Variants in ADAMTS2 observed in about 807,000 individuals in gnomAD.
ADAMTS2 encodes A disintegrin and metalloproteinase with thrombospondin motifs 2.
A neutral mutation model predicts 123.0 loss-of-function variants in ADAMTS2; 50 were observed. The ratio of observed to expected loss-of-function variants is 0.41; its 90% CI spans 0.32 to 0.51. The LOEUF (loss-of-function observed/expected upper bound fraction) is 0.51. Among genes scored for constraint, ADAMTS2 ranks in the 20% least tolerant of loss-of-function variants. The pLI is 0.35. For synonymous variants in ADAMTS2, 678 were observed against 695.4 expected (o/e 0.98, Z 0.39); for missense variants, 1,494 against 1,705.2 (o/e 0.88, Z 2.18).
chr5:179,172,405 C>A (rs2113294998), intron 5 of ADAMTS2, among the ~76,000 whole-genome samples: 1 of 152,324 alleles, frequency 6.6e-6, no homozygotes, highest in South Asian at 2.1e-4. Flanking sequence ...GGTGGGGGTC[C>A]CAGCAAAGCA....
At chr5:179,134,801 C>A (rs960313651) in intron 13 of ADAMTS2, among the ~76,000 whole-genome samples, 12 of 133,986 alleles carry the variant, frequency 9.0e-5, no homozygotes, top group Admixed American at 2.2e-4. Flanking sequence ...CTCCAGCCCC[C>A]AGCTCCCGGC....
In ADAMTS2 at chr5:179,285,991, A is replaced by G. The variant is rs1325240621; in HGVS notation, c.535-12927T>C. 2.6e-5 allele frequency among the ~76,000 whole-genome samples: 4 copies of G among 151,880 alleles called. No individual in the cohort carries two copies. The highest frequency in any genetic ancestry group is 9.7e-5 in the African/African-American group (4 of 41,382). On this transcript the variant is annotated intron_variant, in intron 2 of 21. Transcript: ENST00000251582. This position sits in a 1 kb window ranked among gnomAD's most constrained non-coding sequence, Gnocchi z 4.9. ...CACTTTGGGAGGCCGAGGCAGGCGG[A>G]TCACCTGAGGTCAGGAGTTTGAGAC...
chr5:179,118,487 A>G lies in ADAMTS2; in HGVS notation c.3178+3174T>C, dbSNP rs960016150. On this transcript the variant is annotated intron_variant, in intron 21 of 21. Transcript: ENST00000251582. This position sits in a 1 kb window ranked among gnomAD's most constrained non-coding sequence, Gnocchi z 4.5. ...TTGAGAGTAAACACAGTTTTCATAA[A>G]CTTAAGTCACTGTAGGCTACTCCCA... Among the ~76,000 whole-genome samples the G allele has an allele frequency of 1.3e-5, 2 of 152,334 alleles. No homozygotes were observed. Among genetic ancestry groups the G allele is most frequent in the East Asian group, 3.9e-4 (2 of 5,188 alleles).
chr5:179,266,832 C>T (rs1766384101), intron 3 of ADAMTS2, among the ~76,000 whole-genome samples: 2 of 152,212 alleles, frequency 1.3e-5, no homozygotes, highest in South Asian at 2.1e-4. Context: ...GCTATCTGCT[C>T]GCCACTGAAT....
chr5:179,135,850 G>A, intron 13 of ADAMTS2, 59 bp downstream of exon 13: 1 of 1,609,666 alleles, frequency 6.2e-7, no homozygotes, highest in Non-Finnish European at 8.5e-7. Context: ...GGGGAGGTCA[G>A]TACCCAGGAA....
chr5:179,143,670 CT>C (rs1161158130), intron 10 of ADAMTS2, among the ~76,000 whole-genome samples: 1 of 152,090 alleles, frequency 6.6e-6, no homozygotes, highest in Non-Finnish European at 1.5e-5. Flanking sequence ...AGCGAGGTCC[CT>C]TTTTGCCCTT....
chr5:179,138,540 A>C (rs982282115), intron 11 of ADAMTS2, among the ~76,000 whole-genome samples: 1 of 152,240 alleles, frequency 6.6e-6, no homozygotes, highest in Non-Finnish European at 1.5e-5. Flanking sequence ...GAACAGCACC[A>C]ACCCACACAC....
At chr5:179,283,942 G>GATTATTATTATT (rs202045609) in intron 2 of ADAMTS2, among the ~76,000 whole-genome samples, 23 of 138,316 alleles carry the variant, frequency 1.7e-4, no homozygotes, top group African/African-American at 3.7e-4. Flanking sequence ...TAAATGGTCA[G>GATTATTATTATT]ATGATTATTA....
chr5:179,277,833 GA>G (rs1452782158), intron 2 of ADAMTS2, among the ~76,000 whole-genome samples: 1 of 6,640 alleles, frequency 1.5e-4, no homozygotes, highest in African/African-American at 3.9e-4. Flanking sequence ...ACCAAAGGCT[GA>G]ACCCCCCGTG....
At chr5:179,304,022 AG>A (rs1365357407) in intron 2 of ADAMTS2, among the ~76,000 whole-genome samples, 1 of 152,190 alleles carries the variant, frequency 6.6e-6, no homozygotes, top group Non-Finnish European at 1.5e-5. Context: ...AACACGCCAT[AG>A]GTTCTGGGGA....
intron 3 of ADAMTS2, among the ~76,000 whole-genome samples, chr5:179,250,631 G>T (rs186943867): frequency 6.6e-6 from 1 of 152,210 alleles, no homozygotes; most frequent in Admixed American, 6.5e-5. Flanking sequence ...CCAGGCCCCA[G>T]GCAACCCTCT....
chr5:179,242,076 T>C lies in ADAMTS2; in HGVS notation c.688+30835A>G, dbSNP rs1044447854. Among the ~76,000 whole-genome samples the C allele has an allele frequency of 2.0e-5, 3 of 152,188 alleles. No homozygotes were observed. Among genetic ancestry groups the C allele is most frequent in the Admixed American group, 6.5e-5 (1 of 15,284 alleles). On this transcript the variant is annotated intron_variant, in intron 3 of 21. Coordinates refer to ENST00000251582, the MANE Select transcript of ADAMTS2 (RefSeq NM_014244.5). This position sits in a 1 kb window ranked among gnomAD's most constrained non-coding sequence, Gnocchi z 4.2. ...CACATGACTGGAGTGAGACTAATCA[T>C]GGGTCTTCCATGAGATCTGAACATT...
intron 6 of ADAMTS2, among the ~76,000 whole-genome samples, chr5:179,156,516 T>A (rs535818153): frequency 6.4e-4 from 97 of 151,920 alleles, no homozygotes; most frequent in African/African-American, 2.3e-3. Flanking sequence ...CCCGCCACCA[T>A]GCTCAGCTAA....
chr5:179,290,883 G>A (rs1359448849), intron 2 of ADAMTS2, among the ~76,000 whole-genome samples: 1 of 152,198 alleles, frequency 6.6e-6, no homozygotes, highest in African/African-American at 2.4e-5. Context: ...GAACACCAGG[G>A]AGAACCGTGT....
intron 3 of ADAMTS2, among the ~76,000 whole-genome samples, chr5:179,216,866 G>C (rs1166617968): frequency 2.6e-5 from 4 of 152,274 alleles, no homozygotes; most frequent in Non-Finnish European, 5.9e-5. Flanking sequence ...GGCGGAGGTG[G>C]AGCAGGAGGG....
chr5:179,199,141 G>A (rs189257285), intron 4 of ADAMTS2, among the ~76,000 whole-genome samples: 65 of 152,348 alleles, frequency 4.3e-4, no homozygotes, highest in African/African-American at 1.5e-3. Flanking sequence ...GATGACCAGG[G>A]CCTATCCTCA....
At chr5:179,284,055 G>T (rs1161803823) in intron 2 of ADAMTS2, among the ~76,000 whole-genome samples, 1 of 151,276 alleles carries the variant, frequency 6.6e-6, no homozygotes. Context: ...ATCCAACCGG[G>T]CGCAGTGGCT....
At position 179,206,774 on chromosome 5, in the gene ADAMTS2, C is replaced by A. The variant is rs113967154; in HGVS notation, c.891+739G>T. On this transcript the variant is annotated intron_variant, in intron 4 of 21. Transcript: ENST00000251582. Reference sequence around the variant, plus strand: ...GGTCTGCACAGCCTCCACCCACACACGGTTCAGCATCCTGGCACCTCCTGC... The same window carrying A: ...GGTCTGCACAGCCTCCACCCACACAAGGTTCAGCATCCTGGCACCTCCTGC... Among the ~76,000 whole-genome samples, 690 of 152,310 alleles carry A rather than the reference C, an allele frequency of 4.5e-3. 2 individuals are homozygous for A. The highest frequency in any genetic ancestry group is 8.4e-3 in the African/African-American group (349 of 41,574).
chr5:179,266,474 C>T (rs1300004125), intron 3 of ADAMTS2, among the ~76,000 whole-genome samples: 1 of 152,194 alleles, frequency 6.6e-6, no homozygotes, highest in Non-Finnish European at 1.5e-5. Flanking sequence ...GCCAACAGCC[C>T]CCAGGAGCTG....
Sources: allele counts gnomAD v4.1 joint callset (sites outside exome capture counted in the v4.1 genomes callset), GRCh38; gene constraint gnomAD v4.1.1; non-coding constraint Gnocchi (gnomAD v3.1); transcripts MANE v1.5; gene names NCBI Gene and HGNC (gene_info 2026-07-23, HGNC 2026-07-21).